GRM1: variants seen among roughly 807,000 people sequenced by gnomAD.
GRM1 encodes the protein metabotropic glutamate receptor 1.
In GRM1, 33 loss-of-function variants were observed where a neutral mutation model predicts 90.9. The ratio of observed to expected loss-of-function variants is 0.36; its 90% confidence interval spans 0.28 to 0.49. GRM1 has a LOEUF of 0.49. GRM1 is among the 20% of genes least tolerant of loss of function. GRM1 has a pLI of 0.99. For synonymous variants in GRM1, 700 were observed against 613.2 expected (o/e 1.14, Z -2.09); for missense variants, 1,190 against 1,534.3 (o/e 0.78, Z 3.75).
intron 2 of GRM1, among the ~76,000 whole-genome samples, chr6:146,240,581 G>T (rs1057506419): frequency 6.6e-6 from 1 of 152,068 alleles, no homozygotes; most frequent in Non-Finnish European, 1.5e-5. Flanking sequence ...TTTTCTACTG[G>T]CAGTCACATT....
intron 7 of GRM1, 134 bp from the exon 8 acceptor site, chr6:146,433,738 G>C: frequency 1.4e-6 from 1 of 706,650 alleles, no homozygotes; most frequent in South Asian, 1.6e-5. Context: ...AGGAGGTATG[G>C]GGTGCTGGAG....
chr6:146,138,637 CT>C (rs1023293923), intron 1 of GRM1, among the ~76,000 whole-genome samples: 2 of 151,972 alleles, frequency 1.3e-5, no homozygotes, highest in African/African-American at 4.8e-5. Flanking sequence ...TTATTTATTT[CT>C]TCTAGGTTGT....
At chr6:146,163,125 T>C (rs1159191821) in intron 2 of GRM1, among the ~76,000 whole-genome samples, 1 of 152,182 alleles carries the variant, frequency 6.6e-6, no homozygotes, top group Non-Finnish European at 1.5e-5. Context: ...TAGAATAAGC[T>C]GGTCAGTATT....
chr6:146,215,125 AT>A (rs1324118193), intron 2 of GRM1, among the ~76,000 whole-genome samples: 5 of 152,314 alleles, frequency 3.3e-5, no homozygotes, highest in South Asian at 4.1e-4. Flanking sequence ...ATTGTTTTGT[AT>A]AAAGTCCACT....
chr6:146,029,572 C>T lies in GRM1; in HGVS notation c.55C>T (p.Leu19Phe), dbSNP rs1370822648. 2 of 1,614,122 alleles carry T rather than the reference C, an allele frequency of 1.2e-6. No individual in the cohort carries two copies. The highest frequency in any genetic ancestry group is 1.3e-5 in the African/African-American group (1 of 75,010). The change falls in exon 1 of 8, where the codon CTC becomes TTC. Residue 19 changes from leucine (L) to phenylalanine (F), a missense_variant. Leu to Phe is a conservative substitution (Grantham distance 22, BLOSUM62 0). Transcript: ENST00000282753. ...AGCGATCTTTTTGGAGGTGTCCCTT[C>T]TCCCCAGAAGCCCCGGCAGGAAAGT... The part of the protein sequence containing the change: ...FPAIFLEVSL[L>F]PRSPGRKVLL...
chr6:146,036,812 G>A (rs892330933), intron 1 of GRM1, among the ~76,000 whole-genome samples: 12 of 151,864 alleles, frequency 7.9e-5, no homozygotes, highest in Admixed American at 6.6e-4. Flanking sequence ...TGATTACCTA[G>A]TAACTAATTT....
intron 1 of GRM1, among the ~76,000 whole-genome samples, chr6:146,138,895 G>T: frequency 6.7e-6 from 1 of 148,418 alleles, no homozygotes; most frequent in African/African-American, 2.5e-5. Context: ...TTGTTTTCTA[G>T]TTCTTTAAGA....
intron 1 of GRM1, among the ~76,000 whole-genome samples, chr6:146,038,497 G>A (rs1371519460): frequency 1.3e-5 from 2 of 151,986 alleles, no homozygotes; most frequent in Non-Finnish European, 2.9e-5. Context: ...CATTATTGTT[G>A]TCATGCTATT....
At chr6:146,102,207 G>C (rs1393067957) in intron 1 of GRM1, among the ~76,000 whole-genome samples, 1 of 152,034 alleles carries the variant, frequency 6.6e-6, no homozygotes, top group African/African-American at 2.4e-5. Flanking sequence ...CCAGGGTCTT[G>C]CCATTGGTCC....
intron 2 of GRM1, among the ~76,000 whole-genome samples, chr6:146,193,657 A>G (rs917458336): frequency 1.3e-5 from 2 of 152,198 alleles, no homozygotes; most frequent in Non-Finnish European, 2.9e-5. Flanking sequence ...TACAACATGT[A>G]ATTGTTATAA....
intron 2 of GRM1, among the ~76,000 whole-genome samples, chr6:146,195,206 A>G (rs1023585285): frequency 6.6e-6 from 1 of 152,250 alleles, no homozygotes; most frequent in African/African-American, 2.4e-5. Context: ...GGAAGCTAAG[A>G]AAGCTTAAGA....
intron 2 of GRM1, among the ~76,000 whole-genome samples, chr6:146,238,128 A>G (rs1426311699): frequency 6.6e-6 from 1 of 152,128 alleles, no homozygotes; most frequent in African/African-American, 2.4e-5. Flanking sequence ...TCTGCTCAGC[A>G]ACAAGCAAAA....
chr6:146,102,720 C>A (rs1174202539), intron 1 of GRM1, among the ~76,000 whole-genome samples: 1 of 152,080 alleles, frequency 6.6e-6, no homozygotes, highest in Non-Finnish European at 1.5e-5. Context: ...AAAAATAATT[C>A]TTTCAGTTTA....
At chr6:146,151,667 T>C (rs907954973) in intron 1 of GRM1, among the ~76,000 whole-genome samples, 1 of 152,170 alleles carries the variant, frequency 6.6e-6, no homozygotes, top group African/African-American at 2.4e-5. Context: ...AGTTGGATAA[T>C]TATGTCTGAC....
chr6:146,228,293 G>T (rs1421036154), intron 2 of GRM1, among the ~76,000 whole-genome samples: 1 of 152,180 alleles, frequency 6.6e-6, no homozygotes, highest in Non-Finnish European at 1.5e-5. Context: ...TCCCAGAGCA[G>T]GTGCTGGTGT....
intron 2 of GRM1, among the ~76,000 whole-genome samples, chr6:146,240,749 T>G (rs543951133): frequency 2.0e-5 from 3 of 152,308 alleles, no homozygotes; most frequent in African/African-American, 7.2e-5. Context: ...GGGTACTTTT[T>G]AAGCAGGATG....
intron 3 of GRM1, among the ~76,000 whole-genome samples, chr6:146,329,581 G>C (rs1311954496): frequency 6.6e-6 from 1 of 152,134 alleles, no homozygotes; most frequent in Admixed American, 6.6e-5. Context: ...ATCAAACCTT[G>C]TTACATTTCT....
Position 146,434,901 on chromosome 6 carries a change from C to T in GRM1, c.*105C>T, listed in dbSNP as rs1778547232. 1.0e-6 allele frequency: 1 copy of T among 998,642 alleles called. No homozygotes were observed. The allele number at this position is 998,642 out of a possible 1,614,324, so 61.9% of individuals were successfully genotyped here. On this transcript the variant is annotated 3_prime_UTR_variant, in exon 8 of 8. Transcript: ENST00000282753. ...AAAGCCTGGGAGTGGGGGGCCTCGT[C>T]GGGAGGACAGGAGACCGCTGCTGCT...
intron 2 of GRM1, among the ~76,000 whole-genome samples, chr6:146,198,110 A>T (rs1055733303): frequency 6.6e-6 from 1 of 152,226 alleles, no homozygotes; most frequent in South Asian, 2.1e-4. Context: ...ACATATTCAA[A>T]CTCATCAAAT....
Sources: gnomAD v4.1 joint callset for allele counts (sites outside exome capture counted in the v4.1 genomes callset) on GRCh38, gnomAD v4.1.1 for gene constraint, MANE v1.5 for transcripts, NCBI Gene and HGNC (gene_info 2026-07-23, HGNC 2026-07-21) for gene names.